C8orf34: variants seen among roughly 807,000 people sequenced by gnomAD.
C8orf34 encodes chromosome 8 open reading frame 34, also known as uncharacterized protein C8orf34.
Under a neutral mutation model 68.3 loss-of-function variants are expected in C8orf34, and 65 were observed. The ratio of observed to expected loss-of-function variants is 0.95; its 90% CI spans 0.78 to 1.17. C8orf34 has a LOEUF of 1.17. Among genes scored for constraint, C8orf34 ranks in the 50% most tolerant of loss-of-function variants. The pLI is 0.00. For synonymous variants in C8orf34, 244 were observed against 241.2 expected (o/e 1.01, Z -0.11); for missense variants, 664 against 655.4 (o/e 1.01, Z -0.14).
chr8:68,361,859 G>C (rs1408457368), intron 1 of C8orf34, among the ~76,000 whole-genome samples: 5 of 152,204 alleles, frequency 3.3e-5, no homozygotes, highest in Non-Finnish European at 5.9e-5. Context: ...ACACAAAGCA[G>C]GCTGAACCTT....
intron 1 of C8orf34, among the ~76,000 whole-genome samples, chr8:68,400,093 A>G (rs1407703032): frequency 1.3e-5 from 2 of 152,112 alleles, no homozygotes; most frequent in African/African-American, 4.8e-5. Context: ...TGGTTTGCAA[A>G]TATTTTCTCC....
chr8:68,560,180 G>A (rs762682217), intron 7 of C8orf34, among the ~76,000 whole-genome samples: 35 of 151,958 alleles, frequency 2.3e-4, no homozygotes, highest in Admixed American at 7.9e-4. Flanking sequence ...TGTCGGAGTG[G>A]CAGACTGGAA....
intron 7 of C8orf34, among the ~76,000 whole-genome samples, chr8:68,625,813 G>A (rs1465223792): frequency 6.6e-6 from 1 of 152,174 alleles, no homozygotes; most frequent in African/African-American, 2.4e-5. Context: ...TTATTCCAAA[G>A]TGCTGAGCAT....
At chr8:68,464,490 A>G (rs1250334833) in intron 3 of C8orf34, among the ~76,000 whole-genome samples, 1 of 151,878 alleles carries the variant, frequency 6.6e-6, no homozygotes, top group Non-Finnish European at 1.5e-5. Context: ...CCGCATCGCC[A>G]AGTCAATCCT....
intron 7 of C8orf34, among the ~76,000 whole-genome samples, chr8:68,633,482 C>A (rs551860648): frequency 6.6e-6 from 1 of 152,278 alleles, no homozygotes; most frequent in South Asian, 2.1e-4. Context: ...TTCAAAGCAT[C>A]AAAATAGGGC....
chr8:68,466,862 T>C (rs532332898), intron 3 of C8orf34, among the ~76,000 whole-genome samples: 7 of 151,132 alleles, frequency 4.6e-5, no homozygotes, highest in Non-Finnish European at 7.4e-5. Context: ...GCCAGATTAC[T>C]TTTTAAAAAG....
chr8:68,598,041 A>T (rs1483566197), intron 7 of C8orf34, among the ~76,000 whole-genome samples: 1 of 152,156 alleles, frequency 6.6e-6, no homozygotes, highest in African/African-American at 2.4e-5. Context: ...CATTGTTTTT[A>T]AAAATTAAAA....
intron 8 of C8orf34, among the ~76,000 whole-genome samples, chr8:68,683,666 A>G (rs1223970471): frequency 6.6e-6 from 1 of 152,180 alleles, no homozygotes; most frequent in East Asian, 1.9e-4. Context: ...ACTTTTAAAT[A>G]TACATGAGAG....
intron 10 of C8orf34, among the ~76,000 whole-genome samples, chr8:68,742,603 G>A (rs184684572): frequency 1.8e-4 from 27 of 152,084 alleles, no homozygotes; most frequent in African/African-American, 4.6e-4. Flanking sequence ...CTTCTCTTTC[G>A]ACTTTCCTGC....
intron 7 of C8orf34, among the ~76,000 whole-genome samples, chr8:68,606,538 G>A (rs975282068): frequency 3.3e-5 from 5 of 152,106 alleles, no homozygotes; most frequent in Non-Finnish European, 2.9e-5. Context: ...GAGATTTGAT[G>A]TCACATACTG....
chr8:68,412,860 T>C (rs1354542649), intron 1 of C8orf34, among the ~76,000 whole-genome samples: 1 of 152,104 alleles, frequency 6.6e-6, no homozygotes, highest in Non-Finnish European at 1.5e-5. Context: ...TCCCACCCAT[T>C]GATCCCACCA....
At chr8:68,364,871 C>G (rs1807172299) in intron 1 of C8orf34, among the ~76,000 whole-genome samples, 1 of 151,974 alleles carries the variant, frequency 6.6e-6, no homozygotes, top group Admixed American at 6.6e-5. Context: ...CAAAAGCAGG[C>G]AGAAGGCAAG....
chr8:68,494,094 T>G (rs542434433), intron 5 of C8orf34, among the ~76,000 whole-genome samples: 1 of 152,142 alleles, frequency 6.6e-6, no homozygotes, highest in Non-Finnish European at 1.5e-5. Flanking sequence ...TTATTCACAA[T>G]GACCAAGAGG....
At chr8:68,632,465 C>T (rs1374628957) in intron 7 of C8orf34, among the ~76,000 whole-genome samples, 1 of 152,142 alleles carries the variant, frequency 6.6e-6, no homozygotes, top group East Asian at 1.9e-4. Context: ...AATTTGCAGC[C>T]TGACCATGCA....
chr8:68,593,677 T>G (rs191315253), intron 7 of C8orf34, among the ~76,000 whole-genome samples: 4 of 152,192 alleles, frequency 2.6e-5, no homozygotes, highest in Non-Finnish European at 5.9e-5. Flanking sequence ...CTCTTATTTT[T>G]CTTTTTCTGT....
chr8:68,606,419 ATATT>A (rs1365770945), intron 7 of C8orf34, among the ~76,000 whole-genome samples: 2 of 152,164 alleles, frequency 1.3e-5, no homozygotes, highest in Admixed American at 1.3e-4. Context: ...AATGAACAAA[ATATT>A]TATGGATAAA....
intron 6 of C8orf34, 70 bp from the exon 7 acceptor site, chr8:68,532,913 A>G (rs1815307968): frequency 1.7e-6 from 2 of 1,161,610 alleles, no homozygotes; most frequent in South Asian, 1.5e-5. Context: ...TAATAAAATA[A>G]CCAAATGGAA....
chr8:68,459,079 G>A lies in C8orf34; in HGVS notation c.608-9613G>A, dbSNP rs558876529. On this transcript the variant is annotated intron_variant, in intron 3 of 13. Coordinates refer to ENST00000518698, the MANE Select transcript of C8orf34 (RefSeq NM_052958.4). ...AGATATGATATGGATGGGTTGGTTTGCTGTATAAAAGTGACCTTAAACTGT... is the reference window on the plus strand; with the variant it reads ...AGATATGATATGGATGGGTTGGTTTACTGTATAAAAGTGACCTTAAACTGT... Among the ~76,000 whole-genome samples, 109 of 152,194 alleles carry A rather than the reference G, an allele frequency of 7.2e-4. 1 individual carries two copies. The highest frequency in any genetic ancestry group is 2.3e-3 in the African/African-American group (97 of 41,508).
intron 8 of C8orf34, among the ~76,000 whole-genome samples, chr8:68,668,823 G>A (rs1254866463): frequency 2.0e-5 from 3 of 152,172 alleles, no homozygotes; most frequent in South Asian, 2.1e-4. Context: ...AAGGAAAGGA[G>A]GCAGCCTCTG....
Sources: allele counts gnomAD v4.1 joint callset (sites outside exome capture counted in the v4.1 genomes callset), GRCh38; gene constraint gnomAD v4.1.1; transcripts MANE v1.5; gene names NCBI Gene and HGNC (gene_info 2026-07-23, HGNC 2026-07-21).